MAGI2: variants seen among roughly 807,000 people sequenced by gnomAD.
MAGI2 encodes membrane-associated guanylate kinase, WW and PDZ domain-containing protein 2.
MAGI2 carries 35 observed loss-of-function variants against 133.3 expected under a neutral mutation model. The observed-to-expected ratio is 0.26, with a 90% CI of 0.20 to 0.35. MAGI2 has a LOEUF of 0.35. MAGI2 is among the 10% of genes least tolerant of loss of function. The pLI, the probability that MAGI2 is intolerant of heterozygous loss-of-function variation, is 1.00. For synonymous variants in MAGI2, 729 were observed against 710.6 expected (o/e 1.03, Z -0.41); for missense variants, 1,636 against 1,863.4 (o/e 0.88, Z 2.25).
chr7:78,358,562 C>T (rs1347203399), intron 7 of MAGI2: 1 of 154,774 alleles, frequency 6.5e-6, no homozygotes, highest in East Asian at 1.9e-4. Context: ...CAAGTGGGGC[C>T]AGGCTGCCCT....
At chr7:78,776,144 A>C (rs974370811) in intron 2 of MAGI2, among the ~76,000 whole-genome samples, 1 of 152,230 alleles carries the variant, frequency 6.6e-6, no homozygotes, top group African/African-American at 2.4e-5. Context: ...GCCTAGAACT[A>C]TTATGTTCTC....
rs373476733 is a variant in MAGI2 at position 79,313,296 on chromosome 7, T to C, written c.301+139724A>G. Among the ~76,000 whole-genome samples, 11 of 152,284 alleles carry C rather than the reference T, an allele frequency of 7.2e-5. No homozygotes were observed. In the East Asian group the frequency reaches 1.5e-3, roughly 21 times the overall value. On this transcript the variant is annotated intron_variant, in intron 1 of 21. Coordinates refer to ENST00000354212, the MANE Select transcript of MAGI2 (RefSeq NM_012301.4). ...CCAGTTATAATTAGATTTCCAAAAT[T>C]GGTTTTAATAAAATTAGGGCTGGGC...
In MAGI2 at chr7:78,176,497, G is replaced by A. The variant is rs190636721; in HGVS notation, c.2403+1514C>T. On this transcript the variant is annotated intron_variant, in intron 14 of 21. Transcript: ENST00000354212. ...CTAGTTCAACTCCTCCCGCAGGGCAGAGGAAGCGCCTCGGGGTTCCTGCCA... is the reference window on the plus strand; with the variant it reads ...CTAGTTCAACTCCTCCCGCAGGGCAAAGGAAGCGCCTCGGGGTTCCTGCCA... Among the ~76,000 whole-genome samples the A allele has an allele frequency of 5.2e-4, 79 of 152,230 alleles. 1 individual carries two copies. The highest frequency in any genetic ancestry group is 3.4e-3 in the Middle Eastern group (1 of 292).
intron 2 of MAGI2, among the ~76,000 whole-genome samples, chr7:78,760,750 G>A (rs1207095440): frequency 2.0e-5 from 3 of 152,126 alleles, no homozygotes; most frequent in African/African-American, 7.2e-5. Context: ...AAGTGTGTGT[G>A]CAAGAAACAT....
At chr7:78,814,256 T>G (rs1789358086) in intron 2 of MAGI2, among the ~76,000 whole-genome samples, 1 of 152,222 alleles carries the variant, frequency 6.6e-6, no homozygotes, top group Non-Finnish European at 1.5e-5. Context: ...GTGCTGTCAC[T>G]ATGACTTGTG....
chr7:79,368,592 T>TA (rs1457132483), intron 1 of MAGI2, among the ~76,000 whole-genome samples: 2 of 152,090 alleles, frequency 1.3e-5, no homozygotes, highest in Admixed American at 1.3e-4. Flanking sequence ...CTCACGCCTG[T>TA]AATCCCAGCA....
chr7:78,472,458 A>C (rs1186194007), intron 6 of MAGI2, among the ~76,000 whole-genome samples: 1 of 152,136 alleles, frequency 6.6e-6, no homozygotes, highest in African/African-American at 2.4e-5. Flanking sequence ...GTTTTCCCCA[A>C]GGCAGTAAAG....
At chr7:78,409,287 C>A (rs953089419) in intron 6 of MAGI2, among the ~76,000 whole-genome samples, 2 of 151,978 alleles carry the variant, frequency 1.3e-5, no homozygotes, top group Non-Finnish European at 2.9e-5. Context: ...TGCTCAATAC[C>A]TTTCTGTTGA....
intron 1 of MAGI2, among the ~76,000 whole-genome samples, chr7:79,321,227 T>G (rs888700314): frequency 6.6e-6 from 1 of 152,220 alleles, no homozygotes; most frequent in Admixed American, 6.5e-5. Flanking sequence ...ATTTACATTT[T>G]ACTAATTTTT....
chr7:78,670,966 C>T (rs191392079), intron 2 of MAGI2, among the ~76,000 whole-genome samples: 3 of 152,124 alleles, frequency 2.0e-5, no homozygotes, highest in Non-Finnish European at 4.4e-5. Context: ...AAAGCCAACT[C>T]GAAAATACTT....
chr7:79,089,627 A>C (rs1028356902), intron 1 of MAGI2, among the ~76,000 whole-genome samples: 1 of 152,076 alleles, frequency 6.6e-6, no homozygotes, highest in East Asian at 1.9e-4. Flanking sequence ...TATGCAACCA[A>C]ATAAAAGGAT....
chr7:78,344,111 G>A lies in MAGI2; in HGVS notation c.1226-151C>T, dbSNP rs1172732744. The A allele has an allele frequency of 2.3e-5, 14 of 603,530 alleles. No homozygotes were observed. The East Asian group carries it at 4.4e-4, about 19-fold the overall frequency. The allele number at this position is 603,530 out of a possible 1,614,324, so 37.4% of individuals were successfully genotyped here. ...TGCAAGCAGGTGGTGACTGCAAGAG[G>A]AGCAAAACTATTAGAACTTCCTACA... On this transcript the variant is annotated intron_variant, in intron 8 of 21. Transcript: ENST00000354212.
chr7:78,731,992 A>G (rs762136677), intron 2 of MAGI2, among the ~76,000 whole-genome samples: 2 of 152,176 alleles, frequency 1.3e-5, no homozygotes, highest in Non-Finnish European at 2.9e-5. Flanking sequence ...GGAAGAATAG[A>G]TATTTTGTAT....
chr7:79,202,117 A>G (rs1357836535), intron 1 of MAGI2, among the ~76,000 whole-genome samples: 1 of 152,014 alleles, frequency 6.6e-6, no homozygotes, highest in Non-Finnish European at 1.5e-5. Context: ...AATCAAGGAG[A>G]TAAAGAATTA....
At chr7:78,573,106 CATATGGAGAGAGATATATATAT>C (rs1801731696) in intron 3 of MAGI2, among the ~76,000 whole-genome samples, 1 of 78,940 alleles carries the variant, frequency 1.3e-5, no homozygotes, top group African/African-American at 4.6e-5. Context: ...GAGAGATATA[CATATGGAGAGAGATATATATAT>C]ACACACATAC....
intron 2 of MAGI2, among the ~76,000 whole-genome samples, chr7:78,734,078 G>T (rs914409594): frequency 1.3e-5 from 2 of 152,178 alleles, no homozygotes; most frequent in Non-Finnish European, 2.9e-5. Flanking sequence ...GACAATAGAT[G>T]ATATCATATG....
chr7:79,090,207 G>A (rs1436443917), intron 1 of MAGI2, among the ~76,000 whole-genome samples: 4 of 151,752 alleles, frequency 2.6e-5, no homozygotes, highest in African/African-American at 7.3e-5. Context: ...TTATGTAATT[G>A]CATAGGTAAT....
chr7:79,016,498 A>C (rs181920264), intron 1 of MAGI2, among the ~76,000 whole-genome samples: 13 of 152,188 alleles, frequency 8.5e-5, no homozygotes, highest in African/African-American at 2.4e-4. Context: ...TGTCCCTGCA[A>C]ACATGCACCT....
intron 1 of MAGI2, among the ~76,000 whole-genome samples, chr7:79,289,921 G>T (rs1028203630): frequency 6.6e-6 from 1 of 151,756 alleles, no homozygotes; most frequent in Non-Finnish European, 1.5e-5. Flanking sequence ...CCAAATTTGG[G>T]TTATAATTTC....
Sources: gnomAD v4.1 joint callset for allele counts (sites outside exome capture counted in the v4.1 genomes callset) on GRCh38, gnomAD v4.1.1 for gene constraint, MANE v1.5 for transcripts, NCBI Gene and HGNC (gene_info 2026-07-23, HGNC 2026-07-21) for gene names.